Variants in TADA2A observed in about 807,000 individuals in gnomAD.
TADA2A encodes transcriptional adapter 2-alpha.
In TADA2A, 38 loss-of-function variants were observed where a neutral mutation model predicts 67.4. That is an observed-to-expected ratio of 0.56 (90% CI 0.44 to 0.74). TADA2A has a LOEUF of 0.74. TADA2A is among the 30% of genes least tolerant of loss of function. TADA2A has a pLI of 0.00. For missense variants in TADA2A, 454 were observed against 547.0 expected (o/e 0.83, Z 1.70); for synonymous variants, 192 against 181.6 (o/e 1.06, Z -0.46).
At chr17:37,414,711 C>T (rs1288845632) in intron 2 of TADA2A, among the ~76,000 whole-genome samples, 1 of 152,026 alleles carries the variant, frequency 6.6e-6, no homozygotes, top group African/African-American at 2.4e-5. Flanking sequence ...TGCATTAATT[C>T]CTCATTCACA....
rs2148057296 is a variant in TADA2A at position 37,477,102 on chromosome 17, A to C, written c.*120A>C. On this transcript the variant is annotated 3_prime_UTR_variant, in exon 16 of 16. Coordinates refer to ENST00000615182, the MANE Select transcript of TADA2A (RefSeq NM_001166105.3). ...GAATTCTCATGGTGAAAACAGGGGA[A>C]AGGACAAAGGAAACCTTAAGTTGTA... is the stretch of plus-strand genomic sequence containing the variant. The C allele has an allele frequency of 1.9e-6, 2 of 1,040,230 alleles. No individual in the cohort carries two copies. The highest frequency in any genetic ancestry group is 2.4e-5 in the East Asian group (1 of 41,336). 64.4% of individuals were successfully genotyped at this position (1,040,230 alleles called of 1,614,324 possible).
chr17:37,426,034 G>C (rs2052395582), intron 3 of TADA2A, among the ~76,000 whole-genome samples: 1 of 151,948 alleles, frequency 6.6e-6, no homozygotes, highest in African/African-American at 2.4e-5. Context: ...GAGTGCAGTG[G>C]TATAATCATA....
At position 37,471,030 on chromosome 17, in the gene TADA2A, C is replaced by T. The variant is rs375852971; in HGVS notation, c.1029-64C>T. 1,112 of 1,567,376 alleles carry T rather than the reference C, an allele frequency of 7.1e-4. 4 individuals carry two copies. Among genetic ancestry groups the T allele is most frequent in the Admixed American group, 1.5e-3 (92 of 59,928 alleles). On this transcript the variant is annotated intron_variant, in intron 13 of 15. Coordinates refer to ENST00000615182, the MANE Select transcript of TADA2A (RefSeq NM_001166105.3). ...CCTGATAAATGGCACCCAGTCTCAC[C>T]GGGGCTTTTGGAAATCACCTTGTTT...
At chr17:37,464,737 C>T (rs992222599) in intron 10 of TADA2A, among the ~76,000 whole-genome samples, 4 of 148,780 alleles carry the variant, frequency 2.7e-5, no homozygotes, top group Non-Finnish European at 5.9e-5. Context: ...ACTTGGGAGG[C>T]TGAGACAGGA....
At chr17:37,469,389 T>C (rs1300251566) in intron 12 of TADA2A, among the ~76,000 whole-genome samples, 1 of 151,726 alleles carries the variant, frequency 6.6e-6, no homozygotes, top group Non-Finnish European at 1.5e-5. Flanking sequence ...ATCCCAGCAC[T>C]TTGGGAGGCC....
At position 37,467,219 on chromosome 17, in the gene TADA2A, A is replaced by G. The variant is rs568696999; in HGVS notation, c.824-235A>G. On this transcript the variant is annotated intron_variant, in intron 11 of 15. Coordinates refer to ENST00000615182, the MANE Select transcript of TADA2A (RefSeq NM_001166105.3). ...ATTTAACCATTTCACTAAGTTTTCTAGAAGACAGTTCCAGCTGCTGCATCT... is the reference window on the plus strand; with the variant it reads ...ATTTAACCATTTCACTAAGTTTTCTGGAAGACAGTTCCAGCTGCTGCATCT... Among the ~76,000 whole-genome samples the G allele has an allele frequency of 3.3e-5, 5 of 152,318 alleles. No individual in the cohort carries two copies. In the South Asian group the frequency reaches 1.0e-3, roughly 32 times the overall value.
chr17:37,422,484 T>TGATGATGATGATGATGATG lies in TADA2A; in HGVS notation c.26-1025_26-1024insGATGATGATGATGATGATG, dbSNP rs2052270998. Among the ~76,000 whole-genome samples, 188 of 85,658 alleles carry TGATGATGATGATGATGATG rather than the reference T, an allele frequency of 2.2e-3. 2 individuals carry two copies. In the Middle Eastern group the frequency reaches 0.026, roughly 12 times the overall value. The allele number at this position is 85,658 out of a possible 152,430, so 56.2% of individuals were successfully genotyped here. Reference sequence around the variant, plus strand: ...GCGTGAGCCACCATGCCCAGCTGATTATTATTATTATTATTATTATTATTA... The same window carrying TGATGATGATGATGATGATG: ...GCGTGAGCCACCATGCCCAGCTGATTGATGATGATGATGATGATGATTATTATTATTATTATTATTATTA... On this transcript the variant is annotated intron_variant, in intron 2 of 15. Coordinates refer to ENST00000615182, the MANE Select transcript of TADA2A (RefSeq NM_001166105.3).
chr17:37,423,750 TTC>T, intron 3 of TADA2A, 135 bp downstream of exon 3: 1 of 630,672 alleles, frequency 1.6e-6, no homozygotes, highest in Admixed American at 4.8e-5. Flanking sequence ...TTCTTTTTCT[TTC>T]TTTTTTTTTT....
intron 15 of TADA2A, among the ~76,000 whole-genome samples, chr17:37,475,913 G>A (rs931979239): frequency 1.3e-5 from 2 of 152,190 alleles, no homozygotes; most frequent in Admixed American, 6.5e-5. Flanking sequence ...TCTGAAGTCT[G>A]TTCCTCTTTT....
intron 6 of TADA2A, 47 bp downstream of exon 6, chr17:37,440,709 G>C: frequency 6.2e-7 from 1 of 1,605,294 alleles, no homozygotes; most frequent in Admixed American, 1.7e-5. Flanking sequence ...TCATCCTTGG[G>C]CCCTGTTTCA....
At chr17:37,420,322 C>T (rs558281297) in intron 2 of TADA2A, among the ~76,000 whole-genome samples, 6 of 145,314 alleles carry the variant, frequency 4.1e-5, no homozygotes, top group Non-Finnish European at 6.1e-5. Context: ...GGAGTAGCTG[C>T]GCAGTTTCAT....
intron 2 of TADA2A, among the ~76,000 whole-genome samples, chr17:37,422,848 C>T (rs1056368957): frequency 6.6e-6 from 1 of 152,160 alleles, no homozygotes; most frequent in Admixed American, 6.6e-5. Flanking sequence ...CAATTGTTAA[C>T]ATTTTGTCAG....
intron 4 of TADA2A, among the ~76,000 whole-genome samples, chr17:37,433,168 G>T (rs2147949065): frequency 6.6e-6 from 1 of 151,666 alleles, no homozygotes; most frequent in South Asian, 2.1e-4. Context: ...GTCCAGGGTG[G>T]TCTTAAACTC....
intron 8 of TADA2A, among the ~76,000 whole-genome samples, chr17:37,458,183 T>G (rs1169941638): frequency 6.6e-6 from 1 of 152,188 alleles, no homozygotes; most frequent in African/African-American, 2.4e-5. Context: ...TGGTATTTGG[T>G]TTTCTGTTCC....
intron 7 of TADA2A, 136 bp from the exon 8 acceptor site, chr17:37,444,560 C>A: frequency 2.7e-6 from 2 of 729,254 alleles, no homozygotes; most frequent in Non-Finnish European, 2.4e-6. Flanking sequence ...AGTATTGTGG[C>A]CTTTTGCCAT....
intron 2 of TADA2A, among the ~76,000 whole-genome samples, chr17:37,419,548 C>T (rs2052164692): frequency 2.7e-5 from 4 of 146,390 alleles, no homozygotes; most frequent in African/African-American, 7.4e-5. Flanking sequence ...GGAGGCTACG[C>T]CAGGTAGATT....
rs2053908335 is a variant in TADA2A at position 37,477,227 on chromosome 17, C to T, written c.*245C>T. 1 of 412,306 alleles carries T rather than the reference C, an allele frequency of 2.4e-6. No individual in the cohort carries two copies. The highest frequency in any genetic ancestry group is 3.6e-5 in the East Asian group (1 of 28,010). The allele number at this position is 412,306 out of a possible 1,614,324, so 25.5% of individuals were successfully genotyped here. A position where few individuals can be genotyped will look rare whatever the true frequency, so the allele number is the denominator to read the frequency against. On this transcript the variant is annotated 3_prime_UTR_variant, in exon 16 of 16. Coordinates refer to ENST00000615182, the MANE Select transcript of TADA2A (RefSeq NM_001166105.3). ...TAAGCTATTATTAAATGTGAGTGGG[C>T]ATTCATTCCTAACACCTCTTGTAAC...
At chr17:37,433,872 T>C (rs539623609) in intron 4 of TADA2A, among the ~76,000 whole-genome samples, 1 of 151,932 alleles carries the variant, frequency 6.6e-6, no homozygotes, top group Non-Finnish European at 1.5e-5. Flanking sequence ...GAGAGTCGCT[T>C]GAACCCAGGA....
chr17:37,461,852 T>C (rs183950423), intron 9 of TADA2A: 34 of 450,694 alleles, frequency 7.5e-5, no homozygotes, highest in Non-Finnish European at 1.2e-4. Context: ...CAAATAGTCA[T>C]GGAGAGTCTA....
Sources: allele counts gnomAD v4.1 joint callset (sites outside exome capture counted in the v4.1 genomes callset), GRCh38; gene constraint gnomAD v4.1.1; transcripts MANE v1.5; gene names NCBI Gene and HGNC (gene_info 2026-07-23, HGNC 2026-07-21).